The following RTP2 variants were observed in gnomAD, a reference collection of about 807,000 sequenced individuals.
RTP2 encodes receptor transporter protein 2.
RTP2 carries 12 observed loss-of-function variants against 17.9 expected under a neutral mutation model. The ratio of observed to expected loss-of-function variants is 0.67; its 90% CI spans 0.43 to 1.09. RTP2 has a LOEUF of 1.09. Ranked by LOEUF, RTP2 falls within the 50% of genes least tolerant of loss-of-function variation. The pLI, the probability that RTP2 is intolerant of heterozygous loss-of-function variation, is 0.00. For synonymous variants in RTP2, 126 were observed against 117.7 expected (o/e 1.07, Z -0.46); for missense variants, 327 against 295.7 (o/e 1.11, Z -0.78).
the RTP2 span, among the ~76,000 whole-genome samples, chr3:187,713,446 GAGAGCAT>G: frequency 6.6e-6 from 1 of 152,208 alleles, no homozygotes; most frequent in Non-Finnish European, 1.5e-5. Flanking sequence ...ATAAAGCAAA[GAGAGCAT>G]AGATTTATTG....
At chr3:187,702,791 T>G (rs191753654), upstream of RTP2, among the ~76,000 whole-genome samples, 93 of 152,378 alleles carry the variant, frequency 6.1e-4, 1 homozygote, top group Admixed American at 4.4e-3. Flanking sequence ...TTAGTACTAT[T>G]GTGCTCCTAA....
the RTP2 span, among the ~76,000 whole-genome samples, chr3:187,710,257 T>C: frequency 6.6e-6 from 1 of 152,034 alleles, no homozygotes; most frequent in South Asian, 2.1e-4. Flanking sequence ...CTCTCAGGCC[T>C]TCAAACTGTA....
chr3:187,708,191 A>G, the RTP2 span, among the ~76,000 whole-genome samples: 1 of 152,222 alleles, frequency 6.6e-6, no homozygotes, highest in African/African-American at 2.4e-5. Context: ...ACAAATGAAC[A>G]CAGACACCCA....
chr3:187,699,789 TTTC>T lies in RTP2; in HGVS notation c.165-781_165-779del, dbSNP rs1341063330. On this transcript the variant is annotated intron_variant, in intron 1 of 1. Coordinates refer to ENST00000358241, the Ensembl canonical transcript of RTP2. ...CACACACACACACACACACATATAT[TTTC>T]TCTCTCTCTCTTACATGCACAGAGG... Among the ~76,000 whole-genome samples the T allele has an allele frequency of 7.8e-3, 1,096 of 140,808 alleles. 13 individuals carry two copies. Among genetic ancestry groups the T allele is most frequent in the African/African-American group, 0.019 (693 of 36,784 alleles). 92.4% of individuals were successfully genotyped at this position (140,808 alleles called of 152,430 possible).
At chr3:187,701,656 C>T (rs1483381185) in intron 1 of RTP2, among the ~76,000 whole-genome samples, 2 of 152,204 alleles carry the variant, frequency 1.3e-5, no homozygotes, top group African/African-American at 4.8e-5. Flanking sequence ...TGGCCTCCTT[C>T]CTTCAGTTCC....
At chr3:187,710,149 C>T in the RTP2 span, among the ~76,000 whole-genome samples, 1 of 152,052 alleles carries the variant, frequency 6.6e-6, no homozygotes, top group East Asian at 1.9e-4. Context: ...TCACTCTCTG[C>T]CTGACTTTTG....
the RTP2 span, among the ~76,000 whole-genome samples, chr3:187,710,700 C>T: frequency 5.0e-3 from 759 of 152,060 alleles, 10 homozygotes; most frequent in African/African-American, 0.018. Context: ...CTGGACAACC[C>T]GGATTAATAC....
chr3:187,706,889 C>A (rs1399518215), upstream of RTP2, among the ~76,000 whole-genome samples: 3 of 152,250 alleles, frequency 2.0e-5, no homozygotes, highest in African/African-American at 7.2e-5. Flanking sequence ...GCATGAGCCA[C>A]TGTGCCTGGC....
intron 1 of RTP2, 135 bp from the exon 2 acceptor site, chr3:187,699,146 A>G: frequency 9.0e-7 from 1 of 1,108,860 alleles, no homozygotes; most frequent in Non-Finnish European, 1.3e-6. Context: ...CTGTGGATTC[A>G]TTAGCACTCC....
chr3:187,702,103 T>C lies in RTP2; in HGVS notation c.26A>G (p.Glu9Gly), dbSNP rs747103042. Residue 9 changes from glutamate to glycine, a missense_variant, in exon 1 of 2, where the codon GAG becomes GGG. Glu to Gly is a moderately conservative substitution (Grantham distance 98). Coordinates refer to ENST00000358241, the Ensembl canonical transcript of RTP2. Reference sequence around the variant, plus strand: ...CTTCTCATAGAAGACTTTCTTCCACTCACAAGTGGTCAAGCTGGTACACAT... The same window carrying C: ...CTTCTCATAGAAGACTTTCTTCCACCCACAAGTGGTCAAGCTGGTACACAT... 1.9e-6 allele frequency: 3 copies of C among 1,611,762 alleles called. No individual in the cohort carries two copies. The highest frequency in any genetic ancestry group is 2.5e-6 in the Non-Finnish European group (3 of 1,178,704).
At chr3:187,711,669 T>C in the RTP2 span, among the ~76,000 whole-genome samples, 116,897 of 152,130 alleles carry the variant, frequency 0.77, 45,348 homozygotes, top group East Asian at 0.87. Context: ...TAATTACAAC[T>C]TCAGAGTCTA....
chr3:187,702,352 G>T, exon 1 of RTP2: 1 of 569,360 alleles, frequency 1.8e-6, no homozygotes, highest in South Asian at 1.9e-5. Flanking sequence ...CCCCAAGGGG[G>T]AGTTTCAGGG....
chr3:187,711,547 T>C, the RTP2 span, among the ~76,000 whole-genome samples: 2 of 152,262 alleles, frequency 1.3e-5, no homozygotes, highest in Non-Finnish European at 2.9e-5. Flanking sequence ...GTGGTCTGTA[T>C]GGCACCAATC....
chr3:187,704,794 C>T (rs1244794242), upstream of RTP2, among the ~76,000 whole-genome samples: 1 of 152,156 alleles, frequency 6.6e-6, no homozygotes, highest in Non-Finnish European at 1.5e-5. Context: ...CAGCATGGTC[C>T]AAGCTCCCAC....
At chr3:187,702,648 A>G, upstream of RTP2, 1 of 453,142 alleles carries the variant, frequency 2.2e-6, no homozygotes, top group Non-Finnish European at 4.4e-6. Context: ...CCATGTGCCT[A>G]GCACAAACCG....
At chr3:187,714,440 G>T in the RTP2 span, among the ~76,000 whole-genome samples, 1 of 152,232 alleles carries the variant, frequency 6.6e-6, no homozygotes, top group African/African-American at 2.4e-5. Flanking sequence ...GCTCTGCTGA[G>T]ATGACGAAGA....
At chr3:187,709,096 T>C in the RTP2 span, among the ~76,000 whole-genome samples, 223 of 152,308 alleles carry the variant, frequency 1.5e-3, no homozygotes, top group African/African-American at 5.2e-3. Flanking sequence ...ATATCCTCTT[T>C]GTCCCACTCT....
chr3:187,702,016 C>G, exon 1 of RTP2: 1 of 1,612,652 alleles, frequency 6.2e-7, no homozygotes, highest in Non-Finnish European at 8.5e-7. Flanking sequence ...GGCCAGCTCA[C>G]TGGGCTTGAG....
chr3:187,699,287 C>T (rs1321685266), intron 1 of RTP2, among the ~76,000 whole-genome samples: 3 of 152,136 alleles, frequency 2.0e-5, no homozygotes, highest in African/African-American at 7.2e-5. Flanking sequence ...CTCAGCTGCC[C>T]CCCAGCCCGA....
Sources: gnomAD v4.1 joint callset for allele counts (sites outside exome capture counted in the v4.1 genomes callset) on GRCh38, gnomAD v4.1.1 for gene constraint, MANE v1.5 for transcripts, NCBI Gene and HGNC (gene_info 2026-07-23, HGNC 2026-07-21) for gene names.